Variants in SAMD4A observed in about 807,000 individuals in gnomAD.
SAMD4A encodes sterile alpha motif domain containing 4A, also known as protein Smaug homolog 1.
In SAMD4A, 33 loss-of-function variants were observed where a neutral mutation model predicts 81.3. The ratio of observed to expected loss-of-function variants is 0.41; its 90% CI spans 0.31 to 0.54. The LOEUF (loss-of-function observed/expected upper bound fraction) is 0.54. Ranked by LOEUF, SAMD4A falls within the 20% of genes least tolerant of loss-of-function variation. SAMD4A has a pLI of 0.37. For synonymous variants in SAMD4A, 389 were observed against 382.1 expected, an observed-to-expected ratio of 1.02 and a Z score of -0.21; for missense variants, 854 against 951.1, an observed-to-expected ratio of 0.90 and a Z score of 1.34.
chr14:54,700,952 A>G (rs1434032512), intron 2 of SAMD4A: 2 of 150,854 alleles, frequency 1.3e-5, no homozygotes, highest in Non-Finnish European at 2.9e-5. Flanking sequence ...GGTTCTAGAG[A>G]TGGATGGTAG....
chr14:54,744,741 A>G (rs569848358), intron 4 of SAMD4A, among the ~76,000 whole-genome samples: 36 of 152,216 alleles, frequency 2.4e-4, no homozygotes, highest in African/African-American at 7.2e-4. Flanking sequence ...CTCTCACCCC[A>G]TGCTCTTTGC....
chr14:54,659,618 C>CT (rs2035595751), intron 2 of SAMD4A, among the ~76,000 whole-genome samples: 1 of 152,172 alleles, frequency 6.6e-6, no homozygotes, highest in Admixed American at 6.5e-5. Flanking sequence ...CTACGTGATG[C>CT]TTTGGGGGAA....
intron 6 of SAMD4A, among the ~76,000 whole-genome samples, chr14:54,759,248 G>T (rs145541059): frequency 1.3e-5 from 2 of 152,246 alleles, no homozygotes; most frequent in African/African-American, 4.8e-5. Flanking sequence ...TCCCATCTTA[G>T]ACTAGATTTC....
At chr14:54,696,357 G>A (rs1369353388) in intron 2 of SAMD4A, among the ~76,000 whole-genome samples, 1 of 152,204 alleles carries the variant, frequency 6.6e-6, no homozygotes, top group Non-Finnish European at 1.5e-5. Flanking sequence ...TACATGATGT[G>A]TCTAGGATTG....
chr14:54,740,050 A>T (rs567007071), intron 4 of SAMD4A, among the ~76,000 whole-genome samples: 6 of 152,242 alleles, frequency 3.9e-5, no homozygotes, highest in Non-Finnish European at 8.8e-5. Context: ...CGCAGCTGTA[A>T]TCTCAGCTAC....
intron 2 of SAMD4A, among the ~76,000 whole-genome samples, chr14:54,620,347 A>G (rs899152115): frequency 7.7e-6 from 1 of 129,360 alleles, no homozygotes; most frequent in Non-Finnish European, 1.7e-5. Context: ...AATAAGCACC[A>G]TGTTGGAGCA....
At chr14:54,681,882 C>T in intron 2 of SAMD4A, 1 of 985,360 alleles carries the variant, frequency 1.0e-6, no homozygotes, top group South Asian at 4.7e-5. Flanking sequence ...CTGTGACAGA[C>T]CACTGCTCTG....
chr14:54,604,669 C>T (rs1000086873), intron 2 of SAMD4A, among the ~76,000 whole-genome samples: 1 of 152,082 alleles, frequency 6.6e-6, no homozygotes, highest in Non-Finnish European at 1.5e-5. Flanking sequence ...AAAAAGGGCT[C>T]CCTGTCTTAA....
At chr14:54,686,413 G>A (rs1384892026) in intron 2 of SAMD4A, among the ~76,000 whole-genome samples, 7 of 152,280 alleles carry the variant, frequency 4.6e-5, no homozygotes, top group East Asian at 1.9e-4. Flanking sequence ...AGGGGCTTGC[G>A]TCATATAACA....
chr14:54,701,746 T>C (rs2140741668), intron 2 of SAMD4A, among the ~76,000 whole-genome samples: 1 of 152,372 alleles, frequency 6.6e-6, no homozygotes, highest in South Asian at 2.1e-4. Flanking sequence ...GGGGGTAGGC[T>C]AGACCTTTCT....
chr14:54,646,072 T>C (rs1478127781), intron 2 of SAMD4A, among the ~76,000 whole-genome samples: 1 of 152,250 alleles, frequency 6.6e-6, no homozygotes, highest in Non-Finnish European at 1.5e-5. Flanking sequence ...CCATATGGTT[T>C]TGGGCCAGGA....
intron 2 of SAMD4A, among the ~76,000 whole-genome samples, chr14:54,575,564 G>A (rs1403426474): frequency 1.3e-5 from 2 of 152,176 alleles, no homozygotes; most frequent in Non-Finnish European, 2.9e-5. Context: ...GGACACTGTA[G>A]TCAGTCTTAA....
intron 2 of SAMD4A, among the ~76,000 whole-genome samples, chr14:54,601,977 T>A (rs900376574): frequency 5.9e-5 from 9 of 152,182 alleles, no homozygotes; most frequent in Non-Finnish European, 1.0e-4. Flanking sequence ...GGCAACCATG[T>A]TGGAGAGAAA....
Position 54,777,208 on chromosome 14 carries a change from C to T in SAMD4A, c.2044+668C>T, listed in dbSNP as rs146203827. Among the ~76,000 whole-genome samples the T allele has an allele frequency of 1.1e-3, 165 of 151,508 alleles. 1 individual carries two copies. Among genetic ancestry groups the T allele is most frequent in the African/African-American group, 3.9e-3 (159 of 41,124 alleles). On this transcript the variant is annotated intron_variant, in intron 11 of 12. Transcript: ENST00000554335. Reference sequence around the variant, plus strand: ...ACCTATCTGGATGGACCCCCCCCCACCCCCACTGCCCCAAGGCAGGCAAAC... The same window carrying T: ...ACCTATCTGGATGGACCCCCCCCCATCCCCACTGCCCCAAGGCAGGCAAAC...
At chr14:54,692,879 C>CT (rs1555343993) in intron 2 of SAMD4A, 1 of 144,120 alleles carries the variant, frequency 6.9e-6, no homozygotes, top group Non-Finnish European at 1.5e-5. Flanking sequence ...ACTTAGTGCC[C>CT]CCCCCCGCAA....
intron 11 of SAMD4A, among the ~76,000 whole-genome samples, chr14:54,778,441 G>A (rs1416092068): frequency 3.9e-5 from 6 of 152,138 alleles, no homozygotes; most frequent in Non-Finnish European, 7.3e-5. Context: ...AAACCCTCTT[G>A]TTCCTGTGGT....
chr14:54,765,459 C>T (rs1010644574), intron 8 of SAMD4A, among the ~76,000 whole-genome samples: 12 of 97,574 alleles, frequency 1.2e-4, no homozygotes, highest in South Asian at 2.8e-4. Flanking sequence ...CCTGTCACTA[C>T]GAAAAAAAAA....
chr14:54,695,526 C>T (rs1287447558), intron 2 of SAMD4A, among the ~76,000 whole-genome samples: 3 of 152,152 alleles, frequency 2.0e-5, no homozygotes, highest in African/African-American at 4.8e-5. Context: ...AAGGTCAGAA[C>T]GCCTCCACTG....
In SAMD4A at chr14:54,639,959, A is replaced by C. The variant is rs543025414; in HGVS notation, c.197-62103A>C. ...AATTCTTGTAATTCTGCTTATTTTC[A>C]ATAGGCTATGTCTGGCCAAAATGTC... On this transcript the variant is annotated intron_variant, in intron 2 of 12. Transcript: ENST00000554335. Among the ~76,000 whole-genome samples the C allele has an allele frequency of 2.1e-4, 32 of 152,274 alleles. No individual in the cohort carries two copies. In the South Asian group the frequency reaches 6.4e-3, roughly 31 times the overall value.
Sources: allele counts gnomAD v4.1 joint callset (sites outside exome capture counted in the v4.1 genomes callset), GRCh38; gene constraint gnomAD v4.1.1; transcripts MANE v1.5; gene names NCBI Gene and HGNC (gene_info 2026-07-23, HGNC 2026-07-21).